Variants in CUX1 observed in about 807,000 individuals in gnomAD.
The protein encoded by CUX1 is protein CASP.
A neutral mutation model predicts 158.8 loss-of-function variants in CUX1; 31 were observed. The ratio of observed to expected loss-of-function variants is 0.20; its 90% CI spans 0.15 to 0.26. The LOEUF (loss-of-function observed/expected upper bound fraction) is 0.26, where lower values mean the gene tolerates loss of function less well. CUX1 is among the 10% of genes least tolerant of loss of function. The pLI is 1.00. For missense variants in CUX1, 1,589 were observed against 2,014.6 expected (o/e 0.79, Z 4.04); for synonymous variants, 879 against 862.1 (o/e 1.02, Z -0.34).
chr7:102,274,887 TG>T (rs1791500482), intron 16 of CUX1, among the ~76,000 whole-genome samples: 1 of 151,926 alleles, frequency 6.6e-6, no homozygotes, highest in South Asian at 2.1e-4. Flanking sequence ...CCTGCCCCTT[TG>T]CTTCCCCAGG....
intron 8 of CUX1, among the ~76,000 whole-genome samples, chr7:102,151,710 A>C (rs1835683203): frequency 7.4e-6 from 1 of 134,492 alleles, no homozygotes; most frequent in Non-Finnish European, 1.6e-5. Flanking sequence ...CCTGGGCGAC[A>C]GAGTGAGACT....
chr7:101,885,987 C>T (rs1159138937), intron 1 of CUX1, among the ~76,000 whole-genome samples: 4 of 152,156 alleles, frequency 2.6e-5, no homozygotes, highest in African/African-American at 9.7e-5. Context: ...CATGAGCAGG[C>T]AGCACATCTG....
chr7:102,202,051 C>T lies in CUX1; in HGVS notation c.2754C>T (p.Pro918=), dbSNP rs369967899. The T allele has an allele frequency of 1.1e-4, 170 of 1,614,024 alleles. No homozygotes were observed. The highest frequency in any genetic ancestry group is 1.3e-4 in the Non-Finnish European group (159 of 1,180,030). The part of the protein sequence containing the change: ...NSPLPSSPIV[P]MSKPTKPSVP... The stretch of plus-strand genomic sequence containing the variant: ...CCCTGCCATCCTCCCCGATCGTGCC[C>T]ATGTCCAAGCCCACCAAGCCCTCGG... Residue 918 remains proline, a synonymous_variant, in exon 18 of 24, where the codon CCC becomes CCT. Transcript: ENST00000292535.
chr7:102,194,475 C>G (rs1429147986), intron 13 of CUX1, among the ~76,000 whole-genome samples: 3 of 151,924 alleles, frequency 2.0e-5, no homozygotes, highest in African/African-American at 7.3e-5. Flanking sequence ...TGACATATAC[C>G]CGTGGTCCCA....
chr7:102,116,214 T>C (rs1037262832), intron 8 of CUX1, among the ~76,000 whole-genome samples: 21 of 152,276 alleles, frequency 1.4e-4, no homozygotes, highest in African/African-American at 5.1e-4. Context: ...CCTTGGGCTT[T>C]GAGGGTGCTG....
chr7:101,958,479 C>CTT (rs11433173), intron 2 of CUX1, among the ~76,000 whole-genome samples: 2,907 of 111,910 alleles, frequency 0.026, 121 homozygotes, highest in Admixed American at 0.04. Context: ...ATTTTCTTTT[C>CTT]TTTTTTTTTT....
exon 23 of CUX1, chr7:102,283,239 G>A (rs1046822884): frequency 3.1e-5 from 21 of 672,266 alleles, no homozygotes; most frequent in African/African-American, 2.5e-4. Flanking sequence ...AGGTCACCTC[G>A]GGTCCCCTTG....
intron 20 of CUX1, among the ~76,000 whole-genome samples, chr7:102,216,687 CCA>C (rs61358188): frequency 1.8e-5 from 2 of 113,742 alleles, no homozygotes; most frequent in African/African-American, 3.8e-5. Flanking sequence ...ACACACTCCC[CCA>C]CACACACTCC....
chr7:102,029,560 C>A (rs1240001698), intron 3 of CUX1, among the ~76,000 whole-genome samples: 1 of 152,072 alleles, frequency 6.6e-6, no homozygotes, highest in Non-Finnish European at 1.5e-5. Flanking sequence ...GCGATTGTAG[C>A]CAAAGACAGA....
At chr7:102,135,473 A>G (rs1554498484) in intron 8 of CUX1, among the ~76,000 whole-genome samples, 1 of 151,998 alleles carries the variant, frequency 6.6e-6, no homozygotes, top group East Asian at 1.9e-4. Flanking sequence ...GAGGGGGGCC[A>G]GACACACTCA....
intron 3 of CUX1, among the ~76,000 whole-genome samples, chr7:102,060,598 CACACAAATAA>C (rs1161352622): frequency 2.8e-4 from 21 of 73,854 alleles, no homozygotes; most frequent in African/African-American, 8.2e-4. Flanking sequence ...TATATACACA[CACACAAATAA>C]ACACACACAC....
intron 7 of CUX1, among the ~76,000 whole-genome samples, chr7:102,114,606 A>G (rs1554491239): frequency 6.6e-6 from 1 of 152,216 alleles, no homozygotes; most frequent in Non-Finnish European, 1.5e-5. Context: ...ATCCAGGTAC[A>G]GTGGCCCACA....
chr7:102,135,638 A>G (rs1187285207), intron 8 of CUX1, among the ~76,000 whole-genome samples: 1 of 151,998 alleles, frequency 6.6e-6, no homozygotes, highest in African/African-American at 2.4e-5. Context: ...AGTCCCAGCA[A>G]TCTTATCCTT....
In CUX1 at chr7:102,197,091, C is replaced by T; in HGVS notation, c.1680C>T (p.Val560=). 1 of 1,614,198 alleles carries T rather than the reference C, an allele frequency of 6.2e-7. No homozygotes were observed. The highest frequency in any genetic ancestry group is 1.3e-5 in the African/African-American group (1 of 75,040). The change falls in exon 15 of 24, where the codon GTC becomes GTT. Residue 560 remains valine (V), a synonymous_variant. Coordinates refer to ENST00000292535, the MANE Select transcript of CUX1 (RefSeq NM_181552.4). Reference sequence around the variant, plus strand: ...ACACTGCAGAAATCGCCCGGCAGGTCAAAGAGCAGCTGATTAAGCACAATA... The same window carrying T: ...ACACTGCAGAAATCGCCCGGCAGGTTAAAGAGCAGCTGATTAAGCACAATA... ...EMDTAEIARQ[V]KEQLIKHNIG...
At chr7:102,060,911 CTTTTT>C (rs1039443388) in intron 3 of CUX1, among the ~76,000 whole-genome samples, 5 of 79,488 alleles carry the variant, frequency 6.3e-5, no homozygotes, top group Non-Finnish European at 9.0e-5. Flanking sequence ...CGCGCCTGGC[CTTTTT>C]TTTTTTTTTT....
chr7:101,839,468 C>T (rs1335649067), intron 1 of CUX1, among the ~76,000 whole-genome samples: 6 of 152,326 alleles, frequency 3.9e-5, no homozygotes, highest in East Asian at 1.9e-4. Flanking sequence ...CACCCACAGT[C>T]GTGAGAGTTT....
At chr7:102,074,356 C>T (rs181324946) in intron 4 of CUX1, among the ~76,000 whole-genome samples, 15 of 152,346 alleles carry the variant, frequency 9.8e-5, no homozygotes, top group African/African-American at 9.6e-5. Flanking sequence ...CAGGGAGAGC[C>T]GCCAAGCTGG....
At chr7:101,957,461 C>G (rs1809916327) in intron 2 of CUX1, among the ~76,000 whole-genome samples, 1 of 152,192 alleles carries the variant, frequency 6.6e-6, no homozygotes, top group Admixed American at 6.5e-5. Context: ...TGGCTCACGC[C>G]TGTAATCCCA....
chr7:102,052,824 G>A (rs565911955), intron 3 of CUX1, among the ~76,000 whole-genome samples: 1 of 151,682 alleles, frequency 6.6e-6, no homozygotes, highest in South Asian at 2.1e-4. Context: ...TCTTTTTTTT[G>A]GGAGACAGGG....
Sources: allele counts gnomAD v4.1 joint callset (sites outside exome capture counted in the v4.1 genomes callset), GRCh38; gene constraint gnomAD v4.1.1; transcripts MANE v1.5; gene names NCBI Gene and HGNC (gene_info 2026-07-23, HGNC 2026-07-21).